CD47: variants seen among roughly 807,000 people sequenced by gnomAD.
CD47 encodes CD47 molecule, also known as leukocyte surface antigen CD47.
A neutral mutation model predicts 44.6 loss-of-function variants in CD47; 11 were observed. The ratio of observed to expected loss-of-function variants is 0.25; its 90% CI spans 0.16 to 0.41. The LOEUF (loss-of-function observed/expected upper bound fraction) is 0.41, where lower values mean the gene tolerates loss of function less well. CD47 is among the 10% of genes least tolerant of loss of function. CD47 has a pLI of 1.00. For synonymous variants in CD47, 140 were observed against 136.3 expected (o/e 1.03, Z -0.19); for missense variants, 306 against 386.7 (o/e 0.79, Z 1.75).
At chr3:108,076,142 G>A (rs1047718182) in intron 2 of CD47, among the ~76,000 whole-genome samples, 4 of 152,212 alleles carry the variant, frequency 2.6e-5, no homozygotes, top group Non-Finnish European at 4.4e-5. Context: ...GTCATGCCAT[G>A]ACCAGGCTTG....
intron 10 of CD47, among the ~76,000 whole-genome samples, chr3:108,047,673 G>C (rs1165586699): frequency 6.6e-6 from 1 of 152,180 alleles, no homozygotes; most frequent in Non-Finnish European, 1.5e-5. Context: ...GTAGATGAAA[G>C]AGAAAAATGG....
rs564124144 is a variant in CD47 at position 108,047,246 on chromosome 3, G to A, written c.*42C>T. 25 of 1,570,246 alleles carry A rather than the reference G, an allele frequency of 1.6e-5. No individual in the cohort carries two copies. The highest frequency in any genetic ancestry group is 9.5e-5 in the African/African-American group (7 of 74,016). On this transcript the variant is annotated 3_prime_UTR_variant, in exon 11 of 11. Coordinates refer to ENST00000361309, the MANE Select transcript of CD47 (RefSeq NM_001777.4). ...TTAAACACAAGTGTATTCCTTTCACGTCTTACTACTCTCCAAATCGGAGTC... is the reference window on the plus strand; with the variant it reads ...TTAAACACAAGTGTATTCCTTTCACATCTTACTACTCTCCAAATCGGAGTC...
intron 1 of CD47, among the ~76,000 whole-genome samples, chr3:108,085,886 T>C (rs1402270089): frequency 6.6e-6 from 1 of 152,176 alleles, no homozygotes; most frequent in Non-Finnish European, 1.5e-5. Flanking sequence ...TTGTATAGAC[T>C]TGATTATGAA....
At chr3:108,048,313 T>C (rs2078753966) in intron 10 of CD47, among the ~76,000 whole-genome samples, 1 of 151,506 alleles carries the variant, frequency 6.6e-6, no homozygotes, top group South Asian at 2.1e-4. Context: ...GATCATTCTG[T>C]GACTCCATGC....
At chr3:108,053,015 C>A (rs575615092) in intron 7 of CD47, 1 of 152,474 alleles carries the variant, frequency 6.6e-6, no homozygotes, top group African/African-American at 2.4e-5. Context: ...AATAAGAATC[C>A]TACAGATGGA....
intron 2 of CD47, among the ~76,000 whole-genome samples, chr3:108,078,186 C>T (rs1291923095): frequency 6.6e-6 from 1 of 152,026 alleles, no homozygotes; most frequent in African/African-American, 2.4e-5. Context: ...GGATGCAAAG[C>T]CAAATGTCTC....
intron 6 of CD47, 46 bp from the exon 7 acceptor site, chr3:108,057,615 A>T: frequency 1.0e-6 from 1 of 968,542 alleles, no homozygotes. Context: ...ATATGAAATA[A>T]CTTACTAAAA....
At position 108,080,818 on chromosome 3, in the gene CD47, T is replaced by C. The variant is rs183139950; in HGVS notation, c.47-474A>G. Reference sequence around the variant, plus strand: ...TGAACTGATATGAAATTTATCTTTATCCTTATGCTGCATTTCCAAAAAAAG... The same window carrying C: ...TGAACTGATATGAAATTTATCTTTACCCTTATGCTGCATTTCCAAAAAAAG... On this transcript the variant is annotated intron_variant, in intron 1 of 10. Transcript: ENST00000361309. Among the ~76,000 whole-genome samples the C allele has an allele frequency of 2.6e-5, 4 of 152,016 alleles. No individual in the cohort carries two copies. In the East Asian group the frequency reaches 7.7e-4, roughly 29 times the overall value.
chr3:108,047,983 A>G (rs1253895019), intron 10 of CD47, among the ~76,000 whole-genome samples: 1 of 152,210 alleles, frequency 6.6e-6, no homozygotes, highest in Non-Finnish European at 1.5e-5. Context: ...TGCTTTCCTG[A>G]AAATGGAGAA....
intron 7 of CD47, chr3:108,055,578 C>T (rs775579929): frequency 1.8e-5 from 23 of 1,299,316 alleles, no homozygotes; most frequent in South Asian, 7.4e-5. Flanking sequence ...TGGCATCAGA[C>T]AAGTTGATTT....
intron 3 of CD47, among the ~76,000 whole-genome samples, chr3:108,068,511 A>T (rs1351134467): frequency 3.3e-5 from 5 of 152,226 alleles, no homozygotes; most frequent in Admixed American, 2.6e-4. Context: ...GCTTAGATAT[A>T]GGTTCACCCT....
At chr3:108,067,785 C>T (rs1160853378) in intron 3 of CD47, among the ~76,000 whole-genome samples, 1 of 152,210 alleles carries the variant, frequency 6.6e-6, no homozygotes, top group Non-Finnish European at 1.5e-5. Flanking sequence ...GTCCAGGGCT[C>T]ACCAAGTGCT....
chr3:108,077,009 T>C (rs550944487), intron 2 of CD47, among the ~76,000 whole-genome samples: 1 of 152,204 alleles, frequency 6.6e-6, no homozygotes, highest in Non-Finnish European at 1.5e-5. Flanking sequence ...CTCCTTCTAA[T>C]GGACTATATC....
intron 3 of CD47, among the ~76,000 whole-genome samples, chr3:108,065,747 G>A (rs1410587270): frequency 2.7e-5 from 4 of 146,122 alleles, no homozygotes; most frequent in Admixed American, 7.0e-5. Context: ...GGGAGGCGGA[G>A]GTTGCAGTGA....
At position 108,063,005 on chromosome 3, in the gene CD47, T is replaced by A. The variant is rs192390954; in HGVS notation, c.491-2153A>T. Reference sequence around the variant, plus strand: ...GAGTTTGAATCTCATATAAAATTTATCCTCTTAAGGCTTAGAAGAGCTGTT... The same window carrying A: ...GAGTTTGAATCTCATATAAAATTTAACCTCTTAAGGCTTAGAAGAGCTGTT... On this transcript the variant is annotated intron_variant, in intron 3 of 10. Coordinates refer to ENST00000361309, the MANE Select transcript of CD47 (RefSeq NM_001777.4). Among the ~76,000 whole-genome samples the A allele has an allele frequency of 3.5e-3, 526 of 152,162 alleles. 4 individuals are homozygous for A. Among genetic ancestry groups the A allele is most frequent in the African/African-American group, 0.012 (506 of 41,534 alleles).
chr3:108,079,961 T>TA, intron 2 of CD47, 30 bp downstream of exon 2: 1 of 1,495,508 alleles, frequency 6.7e-7, no homozygotes, highest in Non-Finnish European at 9.2e-7. Context: ...CCAGGACAAA[T>TA]AAAAAAAGAA....
chr3:108,084,217 A>C (rs964402129), intron 1 of CD47, among the ~76,000 whole-genome samples: 5 of 151,912 alleles, frequency 3.3e-5, no homozygotes, highest in Non-Finnish European at 2.9e-5. Context: ...CTACTTCTTC[A>C]TTACTACAGC....
chr3:108,051,931 T>A lies in CD47; in HGVS notation c.909+8A>T. 6.7e-7 allele frequency: 1 copy of A among 1,500,564 alleles called. No homozygotes were observed. Among genetic ancestry groups the A allele is most frequent in the Non-Finnish European group, 9.3e-7 (1 of 1,079,168 alleles). 93.0% of individuals were successfully genotyped at this position (1,500,564 alleles called of 1,614,324 possible). ...CATTCACAATTCATTTAATAAACTTTAACTTACCCTAGGAGGTTGTATAGT... is the reference window on the plus strand; with the variant it reads ...CATTCACAATTCATTTAATAAACTTAAACTTACCCTAGGAGGTTGTATAGT... On this transcript the variant is annotated splice_region_variant and intron_variant, in intron 8 of 10. Coordinates refer to ENST00000361309, the MANE Select transcript of CD47 (RefSeq NM_001777.4).
At position 108,048,371 on chromosome 3, in the gene CD47, G is replaced by GATTTTTTTTTTTT. The variant is rs1559971847; in HGVS notation, c.968-1080_968-1079insAAAAAAAAAAAAT. ...TTGTTCACCAATGCATGACTGGAGT[G>GATTTTTTTTTTTT]TTTTTTTTTTTTTTTTTTTTTTTTT... On this transcript the variant is annotated intron_variant, in intron 10 of 10. Coordinates refer to ENST00000361309, the MANE Select transcript of CD47 (RefSeq NM_001777.4). Among the ~76,000 whole-genome samples the GATTTTTTTTTTTT allele has an allele frequency of 6.3e-5, 5 of 79,586 alleles. 1 individual carries two copies. The highest frequency in any genetic ancestry group is 9.1e-5 in the Non-Finnish European group (4 of 43,928). 52.2% of individuals were successfully genotyped at this position (79,586 alleles called of 152,430 possible).
Sources: gnomAD v4.1 joint callset for allele counts (sites outside exome capture counted in the v4.1 genomes callset) on GRCh38, gnomAD v4.1.1 for gene constraint, MANE v1.5 for transcripts, NCBI Gene and HGNC (gene_info 2026-07-23, HGNC 2026-07-21) for gene names.